Variants in ADD3 observed in about 807,000 individuals in gnomAD.
ADD3 encodes adducin 3, also known as gamma-adducin.
A neutral mutation model predicts 80.2 loss-of-function variants in ADD3; 25 were observed. The observed-to-expected ratio is 0.31, with a 90% confidence interval of 0.23 to 0.44. The LOEUF (loss-of-function observed/expected upper bound fraction) is 0.44. ADD3 is among the 20% of genes least tolerant of loss of function. ADD3 has a pLI of 1.00. For missense variants in ADD3, 829 were observed against 847.5 expected (o/e 0.98, Z 0.27); for synonymous variants, 284 against 289.6 (o/e 0.98, Z 0.20).
intron 1 of ADD3, among the ~76,000 whole-genome samples, chr10:110,021,888 T>TA (rs1426612610): frequency 1.3e-5 from 2 of 152,312 alleles, no homozygotes; most frequent in Middle Eastern, 3.4e-3. Flanking sequence ...CTCAAGTTTT[T>TA]AAAAATACCA....
intron 2 of ADD3, among the ~76,000 whole-genome samples, chr10:110,108,389 C>T (rs914408807): frequency 1.2e-4 from 19 of 152,116 alleles, no homozygotes; most frequent in South Asian, 2.1e-4. Flanking sequence ...AGGAAAAGAA[C>T]TTGTGCTCAG....
At chr10:110,100,401 AC>A (rs1374642637) in intron 1 of ADD3, among the ~76,000 whole-genome samples, 2 of 151,942 alleles carry the variant, frequency 1.3e-5, no homozygotes, top group Non-Finnish European at 2.9e-5. Flanking sequence ...ATTTAATTGA[AC>A]CATGAGTTTC....
At chr10:110,059,446 T>G (rs1308540552) in intron 1 of ADD3, among the ~76,000 whole-genome samples, 1 of 152,008 alleles carries the variant, frequency 6.6e-6, no homozygotes, top group Non-Finnish European at 1.5e-5. Flanking sequence ...CACTCCAGCC[T>G]GGGTGACAAA....
intron 1 of ADD3, among the ~76,000 whole-genome samples, chr10:110,043,685 A>G (rs1478712189): frequency 6.6e-6 from 1 of 152,230 alleles, no homozygotes; most frequent in Non-Finnish European, 1.5e-5. Flanking sequence ...AGGGCTCTAA[A>G]TTCTTCATTC....
intron 2 of ADD3, among the ~76,000 whole-genome samples, chr10:110,101,473 A>C (rs949423577): frequency 5.9e-5 from 9 of 152,044 alleles, no homozygotes; most frequent in Non-Finnish European, 1.0e-4. Context: ...GTCTCTACAA[A>C]AAAATTTAAA....
chr10:110,083,046 T>C (rs762813553), intron 1 of ADD3, among the ~76,000 whole-genome samples: 2 of 152,186 alleles, frequency 1.3e-5, no homozygotes, highest in Admixed American at 1.3e-4. Context: ...TAAACCCTTA[T>C]TGAGTAACTC....
chr10:110,031,333 G>A (rs758641976), intron 1 of ADD3, among the ~76,000 whole-genome samples: 1 of 152,170 alleles, frequency 6.6e-6, no homozygotes, highest in Non-Finnish European at 1.5e-5. Context: ...CCTGCCATGT[G>A]CAAGGTACAG....
chr10:110,055,344 T>C (rs1858049001), intron 1 of ADD3, among the ~76,000 whole-genome samples: 1 of 152,200 alleles, frequency 6.6e-6, no homozygotes, highest in Non-Finnish European at 1.5e-5. Context: ...TTCAGAAATA[T>C]TACACGTGGT....
intron 5 of ADD3, 120 bp downstream of exon 5, chr10:110,117,542 C>A: frequency 1.6e-6 from 1 of 628,054 alleles, no homozygotes; most frequent in South Asian, 2.0e-5. Flanking sequence ...TACTAGTGAA[C>A]AGTGAAGGGA....
At chr10:110,068,497 T>G (rs1844267824) in intron 1 of ADD3, among the ~76,000 whole-genome samples, 1 of 152,218 alleles carries the variant, frequency 6.6e-6, no homozygotes, top group Non-Finnish European at 1.5e-5. Context: ...CAAAGTTTTA[T>G]GCAGATACCA....
intron 2 of ADD3, among the ~76,000 whole-genome samples, chr10:110,111,944 C>T (rs1464709066): frequency 6.6e-6 from 1 of 151,764 alleles, no homozygotes; most frequent in Non-Finnish European, 1.5e-5. Context: ...TTGTCATTTA[C>T]CACAGTGTTG....
In ADD3 at chr10:110,118,663, C is replaced by T; in HGVS notation, c.644C>T (p.Pro215Leu). ...NLKIDHTGFSPHAAIYSTRPD... is the reference protein window; with the variant it reads ...NLKIDHTGFSLHAAIYSTRPD... ...AAAATTGACCATACAGGATTCAGTC[C>T]CCATGCTGCAATCTATTCAACACGT... The change falls in exon 6 of 15, where the codon CCC becomes CTC. Residue 215 changes from proline to leucine, a missense_variant. Pro to Leu is a moderately conservative substitution (Grantham distance 98). Coordinates refer to ENST00000356080, the MANE Select transcript of ADD3 (RefSeq NM_016824.5). 6.2e-7 allele frequency: 1 copy of T among 1,613,626 alleles called. No individual in the cohort carries two copies. The highest frequency in any genetic ancestry group is 8.5e-7 in the Non-Finnish European group (1 of 1,179,594).
At chr10:110,035,698 C>G (rs1314091308) in intron 1 of ADD3, among the ~76,000 whole-genome samples, 1 of 152,166 alleles carries the variant, frequency 6.6e-6, no homozygotes, top group African/African-American at 2.4e-5. Context: ...AGGCCACACC[C>G]CATACTTTGA....
intron 1 of ADD3, among the ~76,000 whole-genome samples, chr10:110,082,486 C>G (rs1485136767): frequency 6.6e-6 from 1 of 152,146 alleles, no homozygotes; most frequent in African/African-American, 2.4e-5. Flanking sequence ...AATTCAAGTT[C>G]TGTAAAACAT....
intron 1 of ADD3, among the ~76,000 whole-genome samples, chr10:110,099,148 G>T: frequency 6.9e-6 from 1 of 145,970 alleles, no homozygotes; most frequent in South Asian, 2.2e-4. Context: ...AGGTTGATCT[G>T]GAACTCCTGG....
intron 1 of ADD3, among the ~76,000 whole-genome samples, chr10:110,082,452 C>CAAT (rs1211973336): frequency 3.9e-5 from 6 of 152,016 alleles, no homozygotes; most frequent in Non-Finnish European, 8.8e-5. Flanking sequence ...ATTTAAAGAC[C>CAAT]TATTTTGAGT....
intron 1 of ADD3, among the ~76,000 whole-genome samples, chr10:110,014,195 C>A (rs1241132243): frequency 2.0e-5 from 3 of 152,234 alleles, no homozygotes; most frequent in African/African-American, 7.2e-5. Context: ...ACTTTTACGC[C>A]CTAGGAAGTT....
upstream of ADD3, among the ~76,000 whole-genome samples, chr10:110,003,937 A>T (rs1851538448): frequency 2.0e-5 from 3 of 152,206 alleles, no homozygotes; most frequent in African/African-American, 7.2e-5. Flanking sequence ...GTTTCTGGAT[A>T]TGTTGGGAGC....
intron 1 of ADD3, chr10:110,079,425 GAT>G (rs1407860545): frequency 8.3e-6 from 1 of 119,930 alleles, no homozygotes; most frequent in Non-Finnish European, 1.7e-5. Flanking sequence ...TCAAAAAAAT[GAT>G]GAGAGAGAGA....
Sources: allele counts gnomAD v4.1 joint callset (sites outside exome capture counted in the v4.1 genomes callset), GRCh38; gene constraint gnomAD v4.1.1; transcripts MANE v1.5; gene names NCBI Gene and HGNC (gene_info 2026-07-23, HGNC 2026-07-21).